Variants in MAN2A2 observed in about 807,000 individuals in gnomAD.
MAN2A2 encodes the protein mannosidase alpha class 2A member 2.
In MAN2A2, 79 loss-of-function variants were observed where a neutral mutation model predicts 126.8. That is an observed-to-expected ratio of 0.62 (90% confidence interval 0.52 to 0.75). The LOEUF (loss-of-function observed/expected upper bound fraction) is 0.75, where lower values mean the gene tolerates loss of function less well. Among genes scored for constraint, MAN2A2 ranks in the 30% least tolerant of loss-of-function variants. The pLI is 0.00. For synonymous variants in MAN2A2, 671 were observed against 618.7 expected (o/e 1.08, Z -1.25); for missense variants, 1,392 against 1,522.4 (o/e 0.91, Z 1.43).
In MAN2A2 at chr15:90,910,210, C is replaced by T; in HGVS notation, c.1495C>T (p.Arg499Trp). 3 of 1,614,134 alleles carry T rather than the reference C, an allele frequency of 1.9e-6. No individual in the cohort carries two copies. The highest frequency in any genetic ancestry group is 1.7e-6 in the Non-Finnish European group (2 of 1,180,022). The change falls in exon 10 of 23, where the codon CGG becomes TGG. Residue 499 changes from arginine to tryptophan, a missense_variant. By Grantham distance (101) the Arg-to-Trp change is moderately radical (BLOSUM62 -3). Transcript: ENST00000559717. ...CGGGGATTTCTTCTCCTATGCGGAC[C>T]GGGAGGATCATTACTGGACAGGCTA... Reference protein sequence around the residue: ...LSGDFFSYADREDHYWTGYYT... With the variant: ...LSGDFFSYADWEDHYWTGYYT...
chr15:90,915,176 C>A (rs72630484), intron 19 of MAN2A2, among the ~76,000 whole-genome samples: 1 of 152,222 alleles, frequency 6.6e-6, no homozygotes, highest in Non-Finnish European at 1.5e-5. Flanking sequence ...TCCTCTCCCC[C>A]TCTGGGATAT....
intron 8 of MAN2A2, among the ~76,000 whole-genome samples, chr15:90,908,627 G>A (rs2034483437): frequency 6.7e-6 from 1 of 150,132 alleles, no homozygotes; most frequent in Non-Finnish European, 1.5e-5. Context: ...CCAGGCTGGA[G>A]TGCGGTGGTG....
chr15:90,916,331 G>A, intron 20 of MAN2A2, 75 bp downstream of exon 20: 1 of 1,548,600 alleles, frequency 6.5e-7, no homozygotes, highest in Non-Finnish European at 8.8e-7. Flanking sequence ...CCAGCCTAGG[G>A]CTCGAGGAGC....
intron 20 of MAN2A2, 27 bp from the exon 21 acceptor site, chr15:90,918,167 C>T: frequency 3.1e-6 from 5 of 1,602,406 alleles, no homozygotes; most frequent in Non-Finnish European, 4.3e-6. Context: ...TTTGGTCCCT[C>T]ACCAATATCT....
rs760905917 is a variant in MAN2A2 at position 90,904,138 on chromosome 15, C to T, written c.-18-52C>T. ...CTCACTGGGGTATTTGGTGGAAAGA[C>T]TGCCACGGGCATTTTGCATGTTGGA... On this transcript the variant is annotated intron_variant, in intron 1 of 22. Coordinates refer to ENST00000559717, the MANE Select transcript of MAN2A2 (RefSeq NM_006122.4). 3 of 1,604,582 alleles carry T rather than the reference C, an allele frequency of 1.9e-6. No homozygotes were observed. In the African/African-American group the frequency reaches 4.0e-5, roughly 21 times the overall value.
At position 90,909,271 on chromosome 15, in the gene MAN2A2, G is replaced by A. The variant is rs1266725797; in HGVS notation, c.1197-56G>A. On this transcript the variant is annotated intron_variant, in intron 8 of 22. Transcript: ENST00000559717. ...CTTGCTGGCGGGATGGCTGTGCGTGGTGCTCTTTTACTGATGAGACTTCGT... is the reference window on the plus strand; with the variant it reads ...CTTGCTGGCGGGATGGCTGTGCGTGATGCTCTTTTACTGATGAGACTTCGT... The A allele has an allele frequency of 3.9e-6, 6 of 1,548,266 alleles. No individual in the cohort carries two copies. The African/African-American group carries it at 4.1e-5, about 11-fold the overall frequency.
At position 90,916,214 on chromosome 15, in the gene MAN2A2, C is replaced by A; in HGVS notation, c.2952C>A (p.Asn984Lys). 6.2e-7 allele frequency: 1 copy of A among 1,614,188 alleles called. No homozygotes were observed. The part of the protein sequence containing the change: ...QGLKDNKRTC[N>K]RFRLLLERRT... ...TCAAGGACAACAAGAGAACCTGCAA[C>A]CGTTTCCGCCTCCTGCTAGAGCGGC... Residue 984 changes from asparagine to lysine, a missense_variant, in exon 20 of 23, where the codon AAC becomes AAA. Transcript: ENST00000559717.
intron 7 of MAN2A2, 27 bp from the exon 8 acceptor site, chr15:90,907,282 G>C: frequency 6.2e-7 from 1 of 1,604,964 alleles, no homozygotes; most frequent in Non-Finnish European, 8.5e-7. Context: ...GCCTGCTGGT[G>C]GTGACCACGT....
chr15:90,917,961 A>G lies in MAN2A2; in HGVS notation c.2995-233A>G, dbSNP rs1440033162. 11 of 540,040 alleles carry G rather than the reference A, an allele frequency of 2.0e-5. No individual in the cohort carries two copies. In the East Asian group the frequency reaches 3.0e-4, roughly 15 times the overall value. The allele number at this position is 540,040 out of a possible 1,614,324, so 33.5% of individuals were successfully genotyped here. On this transcript the variant is annotated intron_variant, in intron 20 of 22. Coordinates refer to ENST00000559717, the MANE Select transcript of MAN2A2 (RefSeq NM_006122.4). ...TAGTGTTATGTGAGCAAGGAACTAA[A>G]AAGTAGAGAAGAAACAGCTTAGTGA...
chr15:90,917,875 C>T (rs2035306832), intron 20 of MAN2A2: 3 of 314,442 alleles, frequency 9.5e-6, no homozygotes, highest in East Asian at 6.7e-5. Flanking sequence ...CTGCCATCCT[C>T]CCTGCACTGT....
At chr15:90,903,974 T>C in intron 1 of MAN2A2, 1 of 580,550 alleles carries the variant, frequency 1.7e-6, no homozygotes, top group South Asian at 1.8e-5. Context: ...CCGTTTTTCA[T>C]AGCACCAGCC....
In MAN2A2 at chr15:90,903,335, A is replaced by G. The variant is rs2033988253; in HGVS notation, c.-116A>G. 6.6e-6 allele frequency: 1 copy of G among 152,616 alleles called. No individual in the cohort carries two copies. The highest frequency in any genetic ancestry group is 1.5e-5 in the Non-Finnish European group (1 of 68,340). 9.5% of individuals were successfully genotyped at this position (152,616 alleles called of 1,614,324 possible). ...CTAAGTAGGGCACAACGCAGAGGCGACAAAGCTCCTCGGCCCCAGGGCCCG... is the reference window on the plus strand; with the variant it reads ...CTAAGTAGGGCACAACGCAGAGGCGGCAAAGCTCCTCGGCCCCAGGGCCCG... On this transcript the variant is annotated 5_prime_UTR_variant, in exon 1 of 23. Coordinates refer to ENST00000559717, the MANE Select transcript of MAN2A2 (RefSeq NM_006122.4).
intron 9 of MAN2A2, 68 bp from the exon 10 acceptor site, chr15:90,910,022 C>A: frequency 7.0e-7 from 1 of 1,436,930 alleles, no homozygotes; most frequent in Non-Finnish European, 9.5e-7. Context: ...CCCCCAACTG[C>A]AGCACTGTGG....
At chr15:90,919,613 G>A (rs759201802) in intron 22 of MAN2A2, 22 bp from the exon 23 acceptor site, 2 of 1,613,018 alleles carry the variant, frequency 1.2e-6, no homozygotes, top group East Asian at 4.5e-5. Context: ...GCACAACCCT[G>A]CCCCTTCTCT....
intron 18 of MAN2A2, 51 bp from the exon 19 acceptor site, chr15:90,913,563 G>A: frequency 6.3e-7 from 1 of 1,581,918 alleles, no homozygotes; most frequent in Non-Finnish European, 8.6e-7. Flanking sequence ...GGGACCGCTT[G>A]GGCCCACATG....
chr15:90,904,427 C>G, intron 2 of MAN2A2, 88 bp downstream of exon 2: 14 of 1,419,972 alleles, frequency 9.9e-6, no homozygotes, highest in Non-Finnish European at 1.3e-5. Context: ...TCCCCTCCCA[C>G]CCCCCGCTGG....
rs563581958 is a variant in MAN2A2, at chr15:90,904,056, T to G, written c.-18-134T>G. On this transcript the variant is annotated intron_variant, in intron 1 of 22. Coordinates refer to ENST00000559717, the MANE Select transcript of MAN2A2 (RefSeq NM_006122.4). ...CCAGGTGGGCCAGCCTCAGATGTGC[T>G]GCTTGTGCTACTTGGAGCCAGGCAA... 684 of 955,886 alleles carry G rather than the reference T, an allele frequency of 7.2e-4. 13 individuals are homozygous for G. In the South Asian group the frequency reaches 8.7e-3, roughly 12 times the overall value. 59.2% of individuals were successfully genotyped at this position (955,886 alleles called of 1,614,324 possible).
Position 90,910,165 on chromosome 15 carries a change from C to T in MAN2A2, c.1450C>T (p.Pro484Ser). Reference protein sequence around the residue: ...RTGVEPGARPPGFPVLSGDFF... With the variant: ...RTGVEPGARPSGFPVLSGDFF... ...AGGGGTGGAGCCAGGGGCCCGGCCT[C>T]CAGGGTTTCCTGTGCTGAGCGGGGA... is the stretch of plus-strand genomic sequence containing the variant. The change falls in exon 10 of 23, where the codon CCA becomes TCA. Residue 484 changes from proline to serine, a missense_variant. Transcript: ENST00000559717. 6 of 1,614,130 alleles carry T rather than the reference C, an allele frequency of 3.7e-6. No homozygotes were observed. Among genetic ancestry groups the T allele is most frequent in the Non-Finnish European group, 5.1e-6 (6 of 1,180,026 alleles).
chr15:90,911,978 G>A (rs775247140), intron 14 of MAN2A2, 65 bp from the exon 15 acceptor site: 590 of 1,339,632 alleles, frequency 4.4e-4, no homozygotes, highest in Admixed American at 1.6e-3. Flanking sequence ...GTTAGTAAGC[G>A]GATGCCTCAG....
Sources: allele counts gnomAD v4.1 joint callset (sites outside exome capture counted in the v4.1 genomes callset), GRCh38; gene constraint gnomAD v4.1.1; transcripts MANE v1.5; gene names NCBI Gene and HGNC (gene_info 2026-07-23, HGNC 2026-07-21).